Variants in PFKP observed in about 807,000 individuals in gnomAD.
PFKP encodes ATP-dependent 6-phosphofructokinase, platelet type.
A neutral mutation model predicts 94.3 loss-of-function variants in PFKP; 101 were observed. The ratio of observed to expected loss-of-function variants is 1.07; its 90% CI spans 0.91 to 1.26. PFKP has a LOEUF of 1.26. PFKP is among the 50% of genes most tolerant of loss of function. The pLI is 0.00. For synonymous variants in PFKP, 573 were observed against 432.6 expected (o/e 1.32, Z -4.03); for missense variants, 1,145 against 1,103.3 (o/e 1.04, Z -0.53).
chr10:3,123,095 G>A (rs754473204), intron 16 of PFKP, among the ~76,000 whole-genome samples: 15 of 152,150 alleles, frequency 9.9e-5, no homozygotes, highest in Admixed American at 1.3e-4. Flanking sequence ...GAATCTATGC[G>A]GTGCTGGTGA....
chr10:3,135,993 C>T (rs987391604), intron 21 of PFKP, among the ~76,000 whole-genome samples, 155 bp downstream of exon 21: 17 of 152,160 alleles, frequency 1.1e-4, no homozygotes, highest in African/African-American at 3.4e-4. Context: ...TGGCTGGGCG[C>T]GGTGGCTCAT....
At chr10:3,098,695 ATT>A (rs879935951) in intron 2 of PFKP, among the ~76,000 whole-genome samples, 385 of 148,502 alleles carry the variant, frequency 2.6e-3, no homozygotes, top group South Asian at 9.9e-3. Context: ...AAAAAAGGTA[ATT>A]GTCCTTGGGC....
chr10:3,129,537 T>A, intron 16 of PFKP: 12 of 429,488 alleles, frequency 2.8e-5, no homozygotes, highest in South Asian at 8.9e-5. Context: ...CGTCCCCTTC[T>A]ATGGGGCCTG....
At position 3,101,369 on chromosome 10, in the gene PFKP, G is replaced by C; in HGVS notation, c.269G>C (p.Gly90Ala). 1 of 1,583,472 alleles carries C rather than the reference G, an allele frequency of 6.3e-7. No homozygotes were observed. The highest frequency in any genetic ancestry group is 8.6e-7 in the Non-Finnish European group (1 of 1,164,770). ...ATTAGCTGGTGTCTTTCCCAGGGCG[G>C]GACGATCATTGGCAGTGCGCGGTGC... Reference protein sequence around the residue: ...ESVSSILQVGGTIIGSARCQA... With the variant: ...ESVSSILQVGATIIGSARCQA... The change falls in exon 4 of 22, where the codon GGG becomes GCG. Residue 90 changes from glycine to alanine, a missense_variant. Around this residue, in one of 3 missense-constraint regions of PFKP, gnomAD observed 1,119 missense variants for 1,062.8 expected, o/e 1.05. Transcript: ENST00000381125.
chr10:3,093,868 C>G (rs1392989356), intron 2 of PFKP, among the ~76,000 whole-genome samples: 1 of 152,158 alleles, frequency 6.6e-6, no homozygotes, highest in Non-Finnish European at 1.5e-5. Flanking sequence ...TGGTCTCCAT[C>G]TCCTGACCTT....
chr10:3,069,681 C>T (rs767563258), intron 1 of PFKP, among the ~76,000 whole-genome samples: 1 of 151,774 alleles, frequency 6.6e-6, no homozygotes, highest in Non-Finnish European at 1.5e-5. Context: ...CGAGGAGTTC[C>T]AGAGCATCCT....
At chr10:3,094,276 CTT>C (rs1051459260) in intron 2 of PFKP, among the ~76,000 whole-genome samples, 25 of 152,352 alleles carry the variant, frequency 1.6e-4, no homozygotes, top group Middle Eastern at 3.4e-3. Context: ...ATTGTGCACT[CTT>C]AGCTTTGGCT....
At chr10:3,134,345 T>C (rs891456705) in intron 19 of PFKP, 138 bp from the exon 20 acceptor site, 1 of 620,326 alleles carries the variant, frequency 1.6e-6, no homozygotes, top group East Asian at 2.5e-5. Context: ...GCTACGGGAA[T>C]CACAGGTTTT....
Position 3,122,173 on chromosome 10 carries a change from T to C in PFKP, c.1683+2129T>C, listed in dbSNP as rs79669899. Among the ~76,000 whole-genome samples the C allele has an allele frequency of 4.9e-3, 748 of 152,190 alleles. 35 individuals are homozygous for C. The East Asian group carries it at 0.12, about 24-fold the overall frequency. ...AGAAAGAACTGGAGCGTGTAGTTAG[T>C]TGAGCCTCCCGTTGGCCAGGCACAG... On this transcript the variant is annotated intron_variant, in intron 16 of 21. Coordinates refer to ENST00000381125, the MANE Select transcript of PFKP (RefSeq NM_002627.5).
chr10:3,069,236 C>T, intron 1 of PFKP: 1 of 1,422,718 alleles, frequency 7.0e-7, no homozygotes. Context: ...CGTTAGCATT[C>T]CAGTAAAAGG....
Position 3,129,802 on chromosome 10 carries a change from C to G in PFKP, c.1684-17C>G, listed in dbSNP as rs183922881. On this transcript the variant is annotated splice_polypyrimidine_tract_variant and intron_variant, in intron 16 of 21. Coordinates refer to ENST00000381125, the MANE Select transcript of PFKP (RefSeq NM_002627.5). ...CCGGGCCTGGGCTGGAGTGACTGAT[C>G]GCTTCTCTGTGACCAGACCTGCGAC... The G allele has an allele frequency of 7.4e-6, 12 of 1,612,602 alleles. No homozygotes were observed. The highest frequency in any genetic ancestry group is 1.0e-5 in the Non-Finnish European group (12 of 1,179,712).
chr10:3,077,284 A>C (rs1832687598), intron 1 of PFKP, among the ~76,000 whole-genome samples: 1 of 48,722 alleles, frequency 2.1e-5, no homozygotes, highest in Non-Finnish European at 4.1e-5. Flanking sequence ...TTTTTTTGAG[A>C]TGGAATCTCA....
At chr10:3,116,106 AAAAG>A (rs1836804880) in intron 13 of PFKP, among the ~76,000 whole-genome samples, 1 of 151,370 alleles carries the variant, frequency 6.6e-6, no homozygotes, top group African/African-American at 2.4e-5. Flanking sequence ...TGTGGGAAAA[AAAAG>A]CCTGATTTAT....
intron 2 of PFKP, among the ~76,000 whole-genome samples, chr10:3,088,464 G>A (rs1232784329): frequency 1.3e-5 from 2 of 152,064 alleles, no homozygotes; most frequent in African/African-American, 4.8e-5. Context: ...ATCTGTGAGT[G>A]TTTTCCTAAC....
intron 10 of PFKP, among the ~76,000 whole-genome samples, chr10:3,110,992 ATT>A (rs1339027822): frequency 6.6e-6 from 1 of 151,048 alleles, no homozygotes; most frequent in Non-Finnish European, 1.5e-5. Flanking sequence ...GCATGTGTAC[ATT>A]TGAGTGTGAG....
Position 3,105,119 on chromosome 10 carries a change from C to CAG in PFKP, c.628_629dup (p.Thr211GlyfsTer7). The CAG allele has an allele frequency of 6.2e-7, 1 of 1,613,964 alleles. No individual in the cohort carries two copies. The highest frequency in any genetic ancestry group is 8.5e-7 in the Non-Finnish European group (1 of 1,179,946). Reference sequence around the variant, plus strand: ...CTCCCTCTGTTTCTCTTCCAGCCACCAGAGGACCTTCGTTCTGGAGGTGAT... The same window carrying CAG: ...CTCCCTCTGTTTCTCTTCCAGCCACCAGAGAGGACCTTCGTTCTGGAGGTGAT... On this transcript the variant is annotated frameshift_variant, in exon 6 of 22. Coordinates refer to ENST00000381125, the MANE Select transcript of PFKP (RefSeq NM_002627.5). LOFTEE classifies it high-confidence loss of function.
chr10:3,091,796 G>GAA (rs920192563), intron 2 of PFKP, among the ~76,000 whole-genome samples: 4 of 149,932 alleles, frequency 2.7e-5, no homozygotes, highest in Admixed American at 6.6e-5. Flanking sequence ...AAAAGAAAAA[G>GAA]AAAAAAGTCT....
rs531919721 is a variant in PFKP, at chr10:3,115,336, G to A, written c.1372-1440G>A. On this transcript the variant is annotated intron_variant, in intron 13 of 21. Transcript: ENST00000381125. ...TGAAAGTGTGTGTCCCACGGCGGAGGACAGGACTGGGGATGCTGGAGTGAA... is the reference window on the plus strand; with the variant it reads ...TGAAAGTGTGTGTCCCACGGCGGAGAACAGGACTGGGGATGCTGGAGTGAA... Among the ~76,000 whole-genome samples the A allele has an allele frequency of 1.6e-3, 206 of 131,896 alleles. 15 individuals are homozygous for A. Among genetic ancestry groups the A allele is most frequent in the African/African-American group, 5.4e-3 (188 of 34,678 alleles). The allele number at this position is 131,896 out of a possible 152,430, so 86.5% of individuals were successfully genotyped here.
intron 16 of PFKP, among the ~76,000 whole-genome samples, chr10:3,121,469 A>G (rs1837394915): frequency 1.3e-5 from 2 of 152,014 alleles, no homozygotes; most frequent in South Asian, 4.2e-4. Flanking sequence ...TTTTTTCCCT[A>G]ATTGTTACCT....
Sources: allele counts gnomAD v4.1 joint callset (sites outside exome capture counted in the v4.1 genomes callset), GRCh38; gene constraint gnomAD v4.1.1; regional missense constraint gnomAD v4.1.1; transcripts MANE v1.5; gene names NCBI Gene and HGNC (gene_info 2026-07-23, HGNC 2026-07-21).